STX2: variants seen among roughly 807,000 people sequenced by gnomAD.
STX2 encodes the protein syntaxin 2, also known as syntaxin-2.
STX2 carries 27 observed loss-of-function variants against 40.6 expected under a neutral mutation model. The ratio of observed to expected loss-of-function variants is 0.66; its 90% CI spans 0.49 to 0.92. STX2 has a LOEUF of 0.92. Ranked by LOEUF, STX2 falls within the 40% of genes least tolerant of loss-of-function variation. The pLI, the probability that STX2 is intolerant of heterozygous loss-of-function variation, is 0.00. For synonymous variants in STX2, 123 were observed against 119.1 expected, an observed-to-expected ratio of 1.03 and a Z score of -0.22; for missense variants, 328 against 366.1, an observed-to-expected ratio of 0.90 and a Z score of 0.85.
At chr12:130,815,082 A>G (rs1039829889) in intron 3 of STX2, among the ~76,000 whole-genome samples, 1 of 152,240 alleles carries the variant, frequency 6.6e-6, no homozygotes, top group African/African-American at 2.4e-5. Flanking sequence ...AAAAAAGGAA[A>G]GAAAAAGAAA....
intron 10 of STX2, among the ~76,000 whole-genome samples, chr12:130,792,468 T>C (rs145237393): frequency 6.6e-6 from 1 of 152,340 alleles, no homozygotes; most frequent in African/African-American, 2.4e-5. Context: ...AATCCTATTT[T>C]TTCTTTCTTT....
intron 1 of STX2, among the ~76,000 whole-genome samples, chr12:130,832,089 C>T (rs1397348697): frequency 6.6e-6 from 1 of 152,082 alleles, no homozygotes; most frequent in African/African-American, 2.4e-5. Context: ...CCAACCAATC[C>T]TCCCACCTTG....
intron 1 of STX2, among the ~76,000 whole-genome samples, chr12:130,830,045 G>T (rs1266665043): frequency 1.3e-5 from 2 of 152,216 alleles, no homozygotes; most frequent in Admixed American, 1.3e-4. Context: ...ATATACAAAA[G>T]TAGAAGGAAT....
At chr12:130,825,009 C>G (rs1952247696) in intron 2 of STX2, among the ~76,000 whole-genome samples, 1 of 151,754 alleles carries the variant, frequency 6.6e-6, no homozygotes, top group Non-Finnish European at 1.5e-5. Flanking sequence ...CTTAATGGCA[C>G]TCAGTGAATT....
chr12:130,819,915 A>C (rs1180295805), intron 3 of STX2, among the ~76,000 whole-genome samples: 1 of 152,212 alleles, frequency 6.6e-6, no homozygotes, highest in South Asian at 2.1e-4. Flanking sequence ...GGCTCCAGAA[A>C]CATTTTGGGA....
chr12:130,791,472 G>C lies in STX2; in HGVS notation c.*551C>G, dbSNP rs1258041841. The stretch of plus-strand genomic sequence containing the variant: ...ACCCGGGAGGCCGAGGTTGCAGTGA[G>C]CTGAGATCGCACCACTGCACTCCAG... On this transcript the variant is annotated 3_prime_UTR_variant, in exon 11 of 11. Transcript: ENST00000392373. 2 of 152,076 alleles carry C rather than the reference G, an allele frequency of 1.3e-5. No homozygotes were observed. The highest frequency in any genetic ancestry group is 2.9e-5 in the Non-Finnish European group (2 of 68,276). The allele number at this position is 152,076 out of a possible 1,614,324, so 9.4% of individuals were successfully genotyped here.
intron 3 of STX2, among the ~76,000 whole-genome samples, chr12:130,821,076 G>A (rs141398744): frequency 2.2e-3 from 331 of 152,304 alleles, no homozygotes; most frequent in Middle Eastern, 0.014. Flanking sequence ...CCACGGGGAA[G>A]CAAATTGAGA....
rs141386549 is a variant in STX2 at position 130,819,640 on chromosome 12, A to AG, written c.205+2048_205+2049insC. Among the ~76,000 whole-genome samples the AG allele has an allele frequency of 4.4e-3, 670 of 152,310 alleles. 9 individuals are homozygous for AG. The highest frequency in any genetic ancestry group is 0.016 in the African/African-American group (647 of 41,548). ...TTGGAGGTAAATTATTCAAAAAAAA[A>AG]TGCGGATACTTATTCAAATATAATT... On this transcript the variant is annotated intron_variant, in intron 3 of 10. Coordinates refer to ENST00000392373, the MANE Select transcript of STX2 (RefSeq NM_194356.4).
intron 9 of STX2, among the ~76,000 whole-genome samples, chr12:130,797,246 G>A (rs1418643141): frequency 6.6e-6 from 1 of 152,200 alleles, no homozygotes; most frequent in South Asian, 2.1e-4. Flanking sequence ...CCAGACTGAC[G>A]TGTTCAGGTC....
chr12:130,804,281 T>C (rs535493912), intron 6 of STX2, among the ~76,000 whole-genome samples: 52 of 152,280 alleles, frequency 3.4e-4, no homozygotes, highest in Non-Finnish European at 5.3e-4. Context: ...AAAATGGTTT[T>C]AGGTGCAAGG....
At chr12:130,814,577 C>G (rs1270008410) in intron 3 of STX2, among the ~76,000 whole-genome samples, 4 of 148,204 alleles carry the variant, frequency 2.7e-5, no homozygotes, top group Non-Finnish European at 5.9e-5. Context: ...CCAGTCAGCA[C>G]TGAAGGTTTC....
intron 9 of STX2, among the ~76,000 whole-genome samples, chr12:130,797,621 C>T (rs928952220): frequency 6.6e-6 from 1 of 152,204 alleles, no homozygotes; most frequent in African/African-American, 2.4e-5. Flanking sequence ...TGAAAATCAG[C>T]ATCTCTGTGT....
intron 1 of STX2, among the ~76,000 whole-genome samples, chr12:130,828,392 T>C (rs1952409523): frequency 8.6e-5 from 2 of 23,310 alleles, no homozygotes; most frequent in African/African-American, 1.9e-4. Context: ...CACACCCGGC[T>C]TTTTTTTTTT....
At chr12:130,803,695 TAA>T (rs1951319976) in intron 6 of STX2, among the ~76,000 whole-genome samples, 2 of 95,848 alleles carry the variant, frequency 2.1e-5, no homozygotes, top group Admixed American at 1.0e-4. Flanking sequence ...AAAAACAAAC[TAA>T]AAGTTACAGT....
intron 1 of STX2, among the ~76,000 whole-genome samples, chr12:130,827,861 C>T (rs963735986): frequency 2.0e-5 from 3 of 152,106 alleles, no homozygotes; most frequent in Non-Finnish European, 4.4e-5. Context: ...GTGGCCCATG[C>T]CTGTGGTCCC....
At position 130,839,111 on chromosome 12, in the gene STX2, G is replaced by C. The variant is rs531523962; in HGVS notation, c.-12C>G. The C allele has an allele frequency of 1.9e-5, 24 of 1,267,962 alleles. No homozygotes were observed. The highest frequency in any genetic ancestry group is 2.4e-5 in the Non-Finnish European group (24 of 1,006,392). 78.5% of individuals were successfully genotyped at this position (1,267,962 alleles called of 1,614,324 possible). ...AGCCGGTCCCGCATCCCCGCCGGCCGGGCAGCGCGCCCCGCCGCTCAAGCC... is the reference window on the plus strand; with the variant it reads ...AGCCGGTCCCGCATCCCCGCCGGCCCGGCAGCGCGCCCCGCCGCTCAAGCC... On this transcript the variant is annotated 5_prime_UTR_variant, in exon 1 of 11. Transcript: ENST00000392373.
At chr12:130,830,339 C>G (rs73457399) in intron 1 of STX2, among the ~76,000 whole-genome samples, 10 of 152,160 alleles carry the variant, frequency 6.6e-5, no homozygotes, top group Non-Finnish European at 1.2e-4. Flanking sequence ...ATGCACCCCC[C>G]ACAGTGGCGT....
chr12:130,824,573 G>C (rs1052613440), intron 2 of STX2, among the ~76,000 whole-genome samples: 8 of 152,300 alleles, frequency 5.3e-5, no homozygotes, highest in African/African-American at 1.9e-4. Flanking sequence ...GGCACTGAGA[G>C]AGAATGGTGC....
intron 1 of STX2, among the ~76,000 whole-genome samples, chr12:130,828,549 G>C (rs932789350): frequency 6.6e-6 from 1 of 151,598 alleles, no homozygotes; most frequent in Non-Finnish European, 1.5e-5. Flanking sequence ...CTGTACACTC[G>C]TAATTCTAAG....
Sources: allele counts gnomAD v4.1 joint callset (sites outside exome capture counted in the v4.1 genomes callset), GRCh38; gene constraint gnomAD v4.1.1; transcripts MANE v1.5; gene names NCBI Gene and HGNC (gene_info 2026-07-23, HGNC 2026-07-21).